The following IRF2 variants were observed in gnomAD, a reference collection of about 807,000 sequenced individuals.
The protein encoded by IRF2 is interferon regulatory factor 2.
In IRF2, 15 loss-of-function variants were observed where a neutral mutation model predicts 40.6. The ratio of observed to expected loss-of-function variants is 0.37; its 90% confidence interval spans 0.25 to 0.57. IRF2 has a LOEUF of 0.57. Ranked by LOEUF, IRF2 falls within the 20% of genes least tolerant of loss-of-function variation. The probability of loss-of-function intolerance (pLI) is 0.77; values close to 1 mark genes in which losing one functional copy is unlikely to be tolerated. For synonymous variants in IRF2, 151 were observed against 165.5 expected, an observed-to-expected ratio of 0.91 and a Z score of 0.67; for missense variants, 317 against 455.7, an observed-to-expected ratio of 0.70 and a Z score of 2.77.
intron 1 of IRF2, among the ~76,000 whole-genome samples, chr4:184,435,618 T>G (rs1738048559): frequency 6.6e-6 from 1 of 152,158 alleles, no homozygotes; most frequent in Non-Finnish European, 1.5e-5. Flanking sequence ...AACCTGACAT[T>G]TAGGGCTGCT....
At chr4:184,449,277 G>A (rs567179783) in intron 1 of IRF2, among the ~76,000 whole-genome samples, 20 of 152,218 alleles carry the variant, frequency 1.3e-4, no homozygotes, top group Admixed American at 1.2e-3. Context: ...AAGTCTCTGC[G>A]TCTGTCACCC....
intron 1 of IRF2, among the ~76,000 whole-genome samples, chr4:184,445,566 A>G (rs1738474013): frequency 6.6e-6 from 1 of 151,638 alleles, no homozygotes; most frequent in Admixed American, 6.6e-5. Flanking sequence ...GAGTCAGGAG[A>G]ATCGCTTGAA....
At chr4:184,400,717 C>T (rs1579802665) in intron 6 of IRF2, among the ~76,000 whole-genome samples, 1 of 152,328 alleles carries the variant, frequency 6.6e-6, no homozygotes, top group East Asian at 1.9e-4. Flanking sequence ...ACAGCCTCGG[C>T]AGCATTTCGT....
Position 184,454,179 on chromosome 4 carries a change from T to C in IRF2, c.-7+20200A>G, listed in dbSNP as rs535318722. Among the ~76,000 whole-genome samples the C allele has an allele frequency of 2.0e-5, 3 of 152,302 alleles. No homozygotes were observed. The East Asian group carries it at 5.8e-4, about 29-fold the overall frequency. On this transcript the variant is annotated intron_variant, in intron 1 of 8. Coordinates refer to ENST00000393593, the MANE Select transcript of IRF2 (RefSeq NM_002199.4). The stretch of plus-strand genomic sequence containing the variant: ...ACACTCCACATCCACAGGCTGGCCC[T>C]CAGGATCTGCTTCTTGCTGCCACTT...
intron 5 of IRF2, among the ~76,000 whole-genome samples, chr4:184,412,923 C>G (rs910266488): frequency 1.3e-5 from 2 of 152,248 alleles, no homozygotes; most frequent in Non-Finnish European, 2.9e-5. Flanking sequence ...GGCACTCACT[C>G]AAGTGCTGTA....
intron 1 of IRF2, among the ~76,000 whole-genome samples, chr4:184,473,650 C>T (rs1739612093): frequency 6.7e-6 from 1 of 148,234 alleles, no homozygotes; most frequent in African/African-American, 2.4e-5. Flanking sequence ...CCGAGCCCGC[C>T]CTCCCGCCCC....
intron 1 of IRF2, among the ~76,000 whole-genome samples, chr4:184,433,375 C>T (rs1410743093): frequency 6.6e-6 from 1 of 152,114 alleles, no homozygotes; most frequent in Non-Finnish European, 1.5e-5. Context: ...ATGCTCCTGC[C>T]GTGTGGTCAT....
At chr4:184,398,606 A>C (rs1430389320) in intron 7 of IRF2, among the ~76,000 whole-genome samples, 1 of 151,818 alleles carries the variant, frequency 6.6e-6, no homozygotes, top group Non-Finnish European at 1.5e-5. Context: ...CAGTGAGCCG[A>C]GATCATCCCA....
At chr4:184,464,988 C>T (rs932044077) in intron 1 of IRF2, among the ~76,000 whole-genome samples, 2 of 152,230 alleles carry the variant, frequency 1.3e-5, no homozygotes, top group South Asian at 2.1e-4. Flanking sequence ...GGTTTAGGGG[C>T]CTGACACAAT....
chr4:184,473,588 C>T (rs1434974993), intron 1 of IRF2, among the ~76,000 whole-genome samples: 1 of 147,640 alleles, frequency 6.8e-6, no homozygotes, highest in Non-Finnish European at 1.5e-5. Context: ...CGGCGGCGGC[C>T]CAGCCCCCAG....
intron 1 of IRF2, among the ~76,000 whole-genome samples, chr4:184,437,247 G>C (rs376501888): frequency 6.6e-6 from 1 of 152,130 alleles, no homozygotes; most frequent in East Asian, 1.9e-4. Flanking sequence ...TAGTCGAGAC[G>C]GGGTTTCACC....
At chr4:184,415,494 G>C (rs1737233945) in intron 5 of IRF2, among the ~76,000 whole-genome samples, 1 of 152,178 alleles carries the variant, frequency 6.6e-6, no homozygotes, top group Non-Finnish European at 1.5e-5. Flanking sequence ...AGACAAACGG[G>C]ACCACCACAT....
At chr4:184,473,461 C>T (rs1739600507) in intron 1 of IRF2, among the ~76,000 whole-genome samples, 1 of 147,660 alleles carries the variant, frequency 6.8e-6, no homozygotes, top group African/African-American at 2.4e-5. Flanking sequence ...CGGTGCCTTC[C>T]TGGGACGCGC....
At position 184,388,147 on chromosome 4, in the gene IRF2, CCTT is replaced by C. The variant is rs1218402617; in HGVS notation, c.*608_*610del. 3 of 152,378 alleles carry C rather than the reference CCTT, an allele frequency of 2.0e-5. No individual in the cohort carries two copies. Among genetic ancestry groups the C allele is most frequent in the Non-Finnish European group, 4.4e-5 (3 of 68,048 alleles). The allele number at this position is 152,378 out of a possible 1,614,324, so 9.4% of individuals were successfully genotyped here. A position where few individuals can be genotyped will look rare whatever the true frequency, so the allele number is the denominator to read the frequency against. The stretch of plus-strand genomic sequence containing the variant: ...GGGACATCTGTAGAGAAATTCATTT[CCTT>C]CTTCTCCTCCGGATGTGGAATGGAA... On this transcript the variant is annotated 3_prime_UTR_variant, in exon 9 of 9. Coordinates refer to ENST00000393593, the MANE Select transcript of IRF2 (RefSeq NM_002199.4). This position sits in a 1 kb window ranked among gnomAD's most constrained non-coding sequence, Gnocchi z 4.6.
intron 7 of IRF2, among the ~76,000 whole-genome samples, chr4:184,397,793 C>T (rs1160543346): frequency 2.0e-5 from 3 of 152,222 alleles, no homozygotes; most frequent in Admixed American, 1.3e-4. Context: ...AGCAGTAACA[C>T]TGACTCAGAA....
rs765992185 is a variant in IRF2 at position 184,408,114 on chromosome 4, G to C, written c.529+44C>G. The C allele has an allele frequency of 2.6e-6, 3 of 1,169,136 alleles. No individual in the cohort carries two copies. Among genetic ancestry groups the C allele is most frequent in the Non-Finnish European group, 3.8e-6 (3 of 781,578 alleles). The allele number at this position is 1,169,136 out of a possible 1,614,324, so 72.4% of individuals were successfully genotyped here. On this transcript the variant is annotated intron_variant, in intron 6 of 8. Coordinates refer to ENST00000393593, the MANE Select transcript of IRF2 (RefSeq NM_002199.4). This position sits in a 1 kb window ranked among gnomAD's most constrained non-coding sequence, Gnocchi z 4.9. Reference sequence around the variant, plus strand: ...TGTTTTACAAATTTTAGGCCCCAGGGGGCTGCTGGTATGTATAAAAAATGA... The same window carrying C: ...TGTTTTACAAATTTTAGGCCCCAGGCGGCTGCTGGTATGTATAAAAAATGA...
intron 1 of IRF2, among the ~76,000 whole-genome samples, chr4:184,456,303 A>G (rs914129839): frequency 2.0e-5 from 3 of 152,208 alleles, no homozygotes; most frequent in Non-Finnish European, 2.9e-5. Context: ...AAGGCTTCCT[A>G]GAAGAGGGGG....
intron 1 of IRF2, among the ~76,000 whole-genome samples, chr4:184,455,558 G>A (rs1271065342): frequency 1.3e-5 from 2 of 151,732 alleles, no homozygotes; most frequent in East Asian, 1.9e-4. Context: ...CCAAAATACC[G>A]AGCACAGTAG....
At chr4:184,396,326 C>G (rs1056012284) in intron 7 of IRF2, among the ~76,000 whole-genome samples, 1 of 152,122 alleles carries the variant, frequency 6.6e-6, no homozygotes, top group Non-Finnish European at 1.5e-5. Flanking sequence ...TAAGGACCGG[C>G]CTTTGGCATC....
Sources: gnomAD v4.1 joint callset for allele counts (sites outside exome capture counted in the v4.1 genomes callset) on GRCh38, gnomAD v4.1.1 for gene constraint, Gnocchi (gnomAD v3.1) non-coding constraint, MANE v1.5 for transcripts, NCBI Gene and HGNC (gene_info 2026-07-23, HGNC 2026-07-21) for gene names.